The following ATP11A variants were observed in gnomAD, a reference collection of about 807,000 sequenced individuals.
The protein encoded by ATP11A is phospholipid-transporting ATPase IH.
Under a neutral mutation model 154.4 loss-of-function variants are expected in ATP11A, and 81 were observed. The observed-to-expected ratio is 0.52, with a 90% CI of 0.44 to 0.63. ATP11A has a LOEUF of 0.63. Ranked by LOEUF, ATP11A falls within the 30% of genes least tolerant of loss-of-function variation. The pLI is 0.00. For missense variants in ATP11A, 1,316 were observed against 1,474.3 expected, an observed-to-expected ratio of 0.89 and a Z score of 1.76; for synonymous variants, 623 against 585.9, an observed-to-expected ratio of 1.06 and a Z score of -0.91.
chr13:112,803,808 TCC>T (rs1209175649), intron 2 of ATP11A, among the ~76,000 whole-genome samples: 8 of 70,190 alleles, frequency 1.1e-4, no homozygotes, highest in Admixed American at 3.5e-4. Context: ...TTCCCCTCCC[TCC>T]CCTCCTTCCT....
intron 1 of ATP11A, among the ~76,000 whole-genome samples, chr13:112,769,894 G>A (rs1163231852): frequency 6.6e-6 from 1 of 152,200 alleles, no homozygotes; most frequent in Non-Finnish European, 1.5e-5. Context: ...ATGGACACAC[G>A]TTAGCCACAG....
In ATP11A at chr13:112,800,854, C is replaced by T. The variant is rs112694439; in HGVS notation, c.163-4103C>T. Among the ~76,000 whole-genome samples, 157 of 152,228 alleles carry T rather than the reference C, an allele frequency of 1.0e-3. 1 individual carries two copies. Among genetic ancestry groups the T allele is most frequent in the African/African-American group, 3.4e-3 (143 of 41,538 alleles). Reference sequence around the variant, plus strand: ...CAAGGCTGATCCAACATTTGAAAATCGACTAATATAACCCATATTTACAGG... The same window carrying T: ...CAAGGCTGATCCAACATTTGAAAATTGACTAATATAACCCATATTTACAGG... On this transcript the variant is annotated intron_variant, in intron 2 of 29. Transcript: ENST00000375645.
In ATP11A at chr13:112,859,593, C is replaced by T. The variant is rs977983895; in HGVS notation, c.2727+141C>T. The T allele has an allele frequency of 3.2e-5, 16 of 492,914 alleles. No individual in the cohort carries two copies. Among genetic ancestry groups the T allele is most frequent in the Non-Finnish European group, 6.4e-5 (16 of 250,796 alleles). 30.5% of individuals were successfully genotyped at this position (492,914 alleles called of 1,614,324 possible). A position where few individuals can be genotyped will look rare whatever the true frequency, so the allele number is the denominator to read the frequency against. ...GGGAGCCAGGGTGCCCAGCAGCAGG[C>T]GGGGGTGAAGGGTCGGGCCTGGGGA... On this transcript the variant is annotated intron_variant, in intron 23 of 29. Coordinates refer to ENST00000375645, the MANE Select transcript of ATP11A (RefSeq NM_015205.3). The surrounding 1 kb of genome is among the most constrained non-coding windows in gnomAD (Gnocchi z 4.3).
intron 1 of ATP11A, among the ~76,000 whole-genome samples, chr13:112,770,328 G>A (rs1005749294): frequency 3.7e-4 from 56 of 152,174 alleles, no homozygotes; most frequent in African/African-American, 1.3e-3. Context: ...TGACCCAAGT[G>A]ATTTTGTGCA....
intron 25 of ATP11A, among the ~76,000 whole-genome samples, chr13:112,869,409 C>G (rs2080440858): frequency 6.6e-6 from 1 of 152,200 alleles, no homozygotes; most frequent in Non-Finnish European, 1.5e-5. Flanking sequence ...CCCAGGGAGC[C>G]CCAGCTGGGA....
At chr13:112,724,684 G>T (rs1889615430) in intron 1 of ATP11A, among the ~76,000 whole-genome samples, 1 of 152,018 alleles carries the variant, frequency 6.6e-6, no homozygotes, top group African/African-American at 2.4e-5. Flanking sequence ...CCTGGGGTGA[G>T]GCCGGCCCCC....
At chr13:112,692,683 C>T (rs1420934427) in intron 1 of ATP11A, among the ~76,000 whole-genome samples, 1 of 152,002 alleles carries the variant, frequency 6.6e-6, no homozygotes, top group Non-Finnish European at 1.5e-5. Context: ...TTTCTCATTC[C>T]ACCTGTGTTT....
chr13:112,742,767 C>T (rs566784996), intron 1 of ATP11A, among the ~76,000 whole-genome samples: 23 of 152,200 alleles, frequency 1.5e-4, no homozygotes, highest in Non-Finnish European at 2.8e-4. Flanking sequence ...GGCTCGGACA[C>T]GTGCTCAGAC....
intron 1 of ATP11A, among the ~76,000 whole-genome samples, chr13:112,704,598 C>T (rs1228785545): frequency 6.6e-6 from 1 of 152,218 alleles, no homozygotes. Context: ...TCCCTCTGTA[C>T]TTGCTCAAGT....
rs2079079129 is a variant in ATP11A, at chr13:112,831,363, C to T, written c.1222-12C>T. The T allele has an allele frequency of 1.2e-6, 2 of 1,611,966 alleles. No homozygotes were observed. The highest frequency in any genetic ancestry group is 1.7e-6 in the Non-Finnish European group (2 of 1,178,380). ...CCTCAGAGCGCCCTGACTTGCTGTG[C>T]CCTGCCCGCAGGTGGAGTACATCTT... is the stretch of plus-strand genomic sequence containing the variant. On this transcript the variant is annotated splice_polypyrimidine_tract_variant and intron_variant, in intron 12 of 29. Coordinates refer to ENST00000375645, the MANE Select transcript of ATP11A (RefSeq NM_015205.3).
chr13:112,774,533 AATGTGCG>A (rs1237362723), intron 1 of ATP11A, among the ~76,000 whole-genome samples: 1 of 152,156 alleles, frequency 6.6e-6, no homozygotes. Flanking sequence ...ACAAATTGCA[AATGTGCG>A]ATGTGCTGCA....
intron 25 of ATP11A, among the ~76,000 whole-genome samples, chr13:112,864,490 A>G (rs74871971): frequency 0.9 from 45,236 of 50,312 alleles, 20,965 homozygotes; most frequent in South Asian, 0.96. Flanking sequence ...CACCACATGC[A>G]CAGTAATTCA....
chr13:112,845,610 C>T (rs2079570002), intron 17 of ATP11A, among the ~76,000 whole-genome samples: 1 of 122,964 alleles, frequency 8.1e-6, no homozygotes, highest in South Asian at 2.4e-4. Flanking sequence ...AGTTACCAGG[C>T]ACTAGCGGTA....
At chr13:112,756,932 A>G (rs943533143) in intron 1 of ATP11A, among the ~76,000 whole-genome samples, 1 of 149,472 alleles carries the variant, frequency 6.7e-6, no homozygotes, top group African/African-American at 2.5e-5. Context: ...CATCCACTAC[A>G]TCTAGTAATT....
chr13:112,767,517 G>A (rs1348620183), intron 1 of ATP11A, among the ~76,000 whole-genome samples: 9 of 149,110 alleles, frequency 6.0e-5, no homozygotes, highest in African/African-American at 1.7e-4. Context: ...TAGGGGTATC[G>A]GGGGCCCCTG....
In ATP11A at chr13:112,810,576, C is replaced by T. The variant is rs1344835505; in HGVS notation, c.334-43C>T. The T allele has an allele frequency of 3.9e-6, 6 of 1,528,222 alleles. No individual in the cohort carries two copies. The Admixed American group carries it at 5.0e-5, about 13-fold the overall frequency. The allele number at this position is 1,528,222 out of a possible 1,614,324, so 94.7% of individuals were successfully genotyped here. On this transcript the variant is annotated intron_variant, in intron 4 of 29. Coordinates refer to ENST00000375645, the MANE Select transcript of ATP11A (RefSeq NM_015205.3). ...CTCCCTCCCTTTCTCCTCCTTCCCTCTCTCCCTGCTTCCTCTCTCCCTTCT... is the reference window on the plus strand; with the variant it reads ...CTCCCTCCCTTTCTCCTCCTTCCCTTTCTCCCTGCTTCCTCTCTCCCTTCT...
intron 1 of ATP11A, among the ~76,000 whole-genome samples, chr13:112,781,834 A>C (rs936445787): frequency 5.3e-5 from 8 of 152,014 alleles, no homozygotes; most frequent in Admixed American, 5.2e-4. Context: ...AATACAACAC[A>C]AAGAGCTCCC....
In ATP11A at chr13:112,856,061, C is replaced by T; in HGVS notation, c.2394C>T (p.Arg798=). The T allele has an allele frequency of 6.2e-7, 1 of 1,613,372 alleles. No individual in the cohort carries two copies. Among genetic ancestry groups the T allele is most frequent in the South Asian group, 1.1e-5 (1 of 91,020 alleles). The part of the protein sequence containing the change: ...CRSCSAVLCC[R]MAPLQKAQIV... The stretch of plus-strand genomic sequence containing the variant: ...GCTGCAGCGCGGTGCTCTGCTGCCG[C>T]ATGGCGCCCTTGCAGAAGGCTCAGG... The change falls in exon 20 of 30, where the codon CGC becomes CGT. Residue 798 remains arginine (R), a synonymous_variant. Coordinates refer to ENST00000375645, the MANE Select transcript of ATP11A (RefSeq NM_015205.3).
chr13:112,827,014 G>A, intron 12 of ATP11A, 123 bp downstream of exon 12: 1 of 969,018 alleles, frequency 1.0e-6, no homozygotes, highest in Non-Finnish European at 1.6e-6. Context: ...TAAGACAGCA[G>A]CAGGGTTGTT....
Sources: gnomAD v4.1 joint callset for allele counts (sites outside exome capture counted in the v4.1 genomes callset) on GRCh38, gnomAD v4.1.1 for gene constraint, Gnocchi (gnomAD v3.1) non-coding constraint, MANE v1.5 for transcripts, NCBI Gene and HGNC (gene_info 2026-07-23, HGNC 2026-07-21) for gene names.